DAPK1: variants seen among roughly 807,000 people sequenced by gnomAD.
DAPK1 encodes death associated protein kinase 1.
In DAPK1, 56 loss-of-function variants were observed where a neutral mutation model predicts 144.9. The observed-to-expected ratio is 0.39, with a 90% CI of 0.31 to 0.48. The LOEUF (loss-of-function observed/expected upper bound fraction) is 0.48. Among genes scored for constraint, DAPK1 ranks in the 20% least tolerant of loss-of-function variants. The pLI, the probability that DAPK1 is intolerant of heterozygous loss-of-function variation, is 0.95. For synonymous variants in DAPK1, 690 were observed against 749.0 expected (o/e 0.92, Z 1.29); for missense variants, 1,454 against 1,875.4 (o/e 0.78, Z 4.15).
In DAPK1 at chr9:87,643,374, AG is replaced by A. The variant is rs1830162227; in HGVS notation, c.919-1del. The A allele has an allele frequency of 6.5e-7, 1 of 1,547,230 alleles. No homozygotes were observed. The highest frequency in any genetic ancestry group is 8.7e-7 in the Non-Finnish European group (1 of 1,147,670). ...TTTTTTTTTTTTTTTTTTAAAAAAAAGCAATCCGTTCGCTTGATATCACTGT... is the reference window on the plus strand; with the variant it reads ...TTTTTTTTTTTTTTTTTTAAAAAAAACAATCCGTTCGCTTGATATCACTGT... On this transcript the variant is annotated splice_acceptor_variant, in intron 10 of 25. Coordinates refer to ENST00000408954, the MANE Select transcript of DAPK1 (RefSeq NM_004938.4). LOFTEE classifies it high-confidence loss of function.
intron 2 of DAPK1, among the ~76,000 whole-genome samples, chr9:87,571,830 A>G (rs73654409): frequency 0.013 from 1,957 of 152,160 alleles, 60 homozygotes; most frequent in African/African-American, 0.046. Flanking sequence ...GTCCCCTGGG[A>G]TGGGGACATG....
At position 87,665,960 on chromosome 9, in the gene DAPK1, G is replaced by GAGCC. The variant is rs1831036754; in HGVS notation, c.1924-2636_1924-2633dup. ...AATGCATGCACTTCATTGAGTCCAT[G>GAGCC]AGCCCTGTTGGTAAGGAGGAGGGCA... is the stretch of plus-strand genomic sequence containing the variant. On this transcript the variant is annotated intron_variant, in intron 18 of 25. Coordinates refer to ENST00000408954, the MANE Select transcript of DAPK1 (RefSeq NM_004938.4). 3.9e-5 allele frequency among the ~76,000 whole-genome samples: 6 copies of GAGCC among 152,174 alleles called. No homozygotes were observed. The South Asian group carries it at 1.2e-3, about 32-fold the overall frequency.
Position 87,498,994 on chromosome 9 carries a change from G to C in DAPK1, c.-84G>C, listed in dbSNP as rs1824295430. 3.8e-6 allele frequency: 4 copies of C among 1,062,070 alleles called. No homozygotes were observed. Among genetic ancestry groups the C allele is most frequent in the Non-Finnish European group, 2.9e-6 (2 of 680,942 alleles). 65.8% of individuals were successfully genotyped at this position (1,062,070 alleles called of 1,614,324 possible). A position where few individuals can be genotyped will look rare whatever the true frequency, so the allele number is the denominator to read the frequency against. The stretch of plus-strand genomic sequence containing the variant: ...GGACTGGAGACTGATGCATGAGGGG[G>C]CTACGGAGGCGCAGGAGCGGTGGTG... On this transcript the variant is annotated 5_prime_UTR_variant, in exon 2 of 26. Coordinates refer to ENST00000408954, the MANE Select transcript of DAPK1 (RefSeq NM_004938.4).
chr9:87,692,987 T>C (rs928614313), intron 21 of DAPK1, among the ~76,000 whole-genome samples: 16 of 129,708 alleles, frequency 1.2e-4, no homozygotes, highest in African/African-American at 4.4e-4. Flanking sequence ...TTTTTTTTTT[T>C]TTTTCTGTTT....
At chr9:87,511,797 G>A (rs1824857822) in intron 2 of DAPK1, among the ~76,000 whole-genome samples, 2 of 150,590 alleles carry the variant, frequency 1.3e-5, no homozygotes, top group South Asian at 2.1e-4. Context: ...TGCAACCTCC[G>A]CCTCCTGGTT....
chr9:87,647,620 A>G (rs1343585484), intron 14 of DAPK1, among the ~76,000 whole-genome samples: 1 of 152,254 alleles, frequency 6.6e-6, no homozygotes, highest in African/African-American at 2.4e-5. Context: ...TTGCCATAAT[A>G]CGCACGCATT....
intron 19 of DAPK1, among the ~76,000 whole-genome samples, chr9:87,669,498 T>TA (rs1484405078): frequency 6.6e-6 from 1 of 152,214 alleles, no homozygotes; most frequent in Non-Finnish European, 1.5e-5. Flanking sequence ...TAGTGTATTT[T>TA]AAAAAATTTA....
intron 2 of DAPK1, among the ~76,000 whole-genome samples, chr9:87,531,015 C>A (rs1563978099): frequency 6.6e-6 from 1 of 152,184 alleles, no homozygotes; most frequent in Non-Finnish European, 1.5e-5. Context: ...TCAGGAAATG[C>A]TTACCCTTTG....
chr9:87,691,456 G>T (rs560388005), intron 21 of DAPK1, among the ~76,000 whole-genome samples: 31 of 151,900 alleles, frequency 2.0e-4, no homozygotes, highest in Non-Finnish European at 3.4e-4. Flanking sequence ...CATTTCATCA[G>T]TTCTTTGTAT....
At chr9:87,599,327 AAAG>A (rs1828430328) in intron 2 of DAPK1, among the ~76,000 whole-genome samples, 1 of 152,252 alleles carries the variant, frequency 6.6e-6, no homozygotes, top group East Asian at 1.9e-4. Context: ...GATTATTAAT[AAAG>A]AAATATGTGT....
chr9:87,692,010 G>A (rs1375915173), intron 21 of DAPK1, among the ~76,000 whole-genome samples: 1 of 152,072 alleles, frequency 6.6e-6, no homozygotes. Context: ...TGGTCTAACA[G>A]GCAGTTTAAA....
intron 2 of DAPK1, among the ~76,000 whole-genome samples, chr9:87,562,184 G>T (rs1465713771): frequency 6.6e-6 from 1 of 152,216 alleles, no homozygotes; most frequent in Non-Finnish European, 1.5e-5. Context: ...TGGGGTTCAG[G>T]TGATGGAACG....
intron 13 of DAPK1, 36 bp from the exon 14 acceptor site, chr9:87,647,268 TC>T (rs1432273667): frequency 6.5e-7 from 1 of 1,537,878 alleles, no homozygotes; most frequent in Non-Finnish European, 9.0e-7. Context: ...TGCTGTCAGC[TC>T]CCTAGAAATG....
chr9:87,703,604 G>C (rs1825533679), intron 25 of DAPK1, among the ~76,000 whole-genome samples: 1 of 152,164 alleles, frequency 6.6e-6, no homozygotes, highest in Admixed American at 6.5e-5. Context: ...GCTCCACACA[G>C]ATCTCCTGGG....
At chr9:87,607,692 C>A (rs1828779348) in intron 3 of DAPK1, among the ~76,000 whole-genome samples, 1 of 152,018 alleles carries the variant, frequency 6.6e-6, no homozygotes, top group African/African-American at 2.4e-5. Context: ...AATCATGTAA[C>A]CAGCAGTCTA....
chr9:87,511,485 C>G (rs1824840495), intron 2 of DAPK1, among the ~76,000 whole-genome samples: 1 of 152,142 alleles, frequency 6.6e-6, no homozygotes. Flanking sequence ...TTTAAGGAAG[C>G]AGAGACAACT....
Position 87,639,778 on chromosome 9 carries a change from G to A in DAPK1, c.603-11G>A. ...TGACATGTTTTTTTGTTTGTTTTGT[G>A]TTGTTTTTAGGAGTATCGGGGTAAT... On this transcript the variant is annotated splice_polypyrimidine_tract_variant and intron_variant, in intron 6 of 25. Transcript: ENST00000408954. 1.9e-6 allele frequency: 3 copies of A among 1,613,608 alleles called. No homozygotes were observed. The highest frequency in any genetic ancestry group is 2.2e-5 in the South Asian group (2 of 91,064).
At chr9:87,671,407 A>C (rs1258292502) in intron 19 of DAPK1, among the ~76,000 whole-genome samples, 3 of 151,944 alleles carry the variant, frequency 2.0e-5, no homozygotes, top group Non-Finnish European at 4.4e-5. Context: ...AAATAGAAAA[A>C]ACTATAAAAT....
chr9:87,500,854 G>A (rs1211550981), intron 2 of DAPK1, among the ~76,000 whole-genome samples: 2 of 152,164 alleles, frequency 1.3e-5, no homozygotes, highest in Non-Finnish European at 2.9e-5. Flanking sequence ...TAATTTGTGT[G>A]ACCTAGGAAT....
Sources: allele counts gnomAD v4.1 joint callset (sites outside exome capture counted in the v4.1 genomes callset), GRCh38; gene constraint gnomAD v4.1.1; transcripts MANE v1.5; gene names NCBI Gene and HGNC (gene_info 2026-07-23, HGNC 2026-07-21).